ADD3: variants seen among roughly 807,000 people sequenced by gnomAD.
ADD3 encodes the protein gamma-adducin.
A neutral mutation model predicts 80.2 loss-of-function variants in ADD3; 25 were observed. That is an observed-to-expected ratio of 0.31 (90% CI 0.23 to 0.44). The LOEUF is 0.44. Ranked by LOEUF, ADD3 falls within the 20% of genes least tolerant of loss-of-function variation. ADD3 has a pLI of 1.00. For synonymous variants in ADD3, 284 were observed against 289.6 expected (o/e 0.98, Z 0.20); for missense variants, 829 against 847.5 (o/e 0.98, Z 0.27).
At chr10:110,083,339 AC>A (rs1340726223) in intron 1 of ADD3, among the ~76,000 whole-genome samples, 2 of 152,052 alleles carry the variant, frequency 1.3e-5, no homozygotes, top group East Asian at 3.9e-4. Context: ...ACACGGTGAA[AC>A]CCCGTCTCTA....
Position 110,123,843 on chromosome 10 carries a change from C to T in ADD3, c.1144-174C>T, listed in dbSNP as rs527885772. 12 of 632,374 alleles carry T rather than the reference C, an allele frequency of 1.9e-5. 1 individual carries two copies. The South Asian group carries it at 2.3e-4, about 12-fold the overall frequency. 39.2% of individuals were successfully genotyped at this position (632,374 alleles called of 1,614,324 possible). ...AGCTCTAACTAGGTCTTGAAATTTG[C>T]ATAATTTCAGCTCCAGTGTTACATG... On this transcript the variant is annotated intron_variant, in intron 9 of 14. Coordinates refer to ENST00000356080, the MANE Select transcript of ADD3 (RefSeq NM_016824.5).
chr10:110,055,014 G>C (rs1858001922), intron 1 of ADD3, among the ~76,000 whole-genome samples: 2 of 152,102 alleles, frequency 1.3e-5, no homozygotes, highest in South Asian at 4.1e-4. Flanking sequence ...GCCTTCCTCT[G>C]CCTCCCAAAG....
At chr10:110,036,614 C>T (rs137930101) in intron 1 of ADD3, among the ~76,000 whole-genome samples, 243 of 152,006 alleles carry the variant, frequency 1.6e-3, no homozygotes, top group African/African-American at 5.7e-3. Flanking sequence ...CCTCATGATC[C>T]GCCCGCCTTG....
intron 1 of ADD3, among the ~76,000 whole-genome samples, chr10:110,089,228 T>TA (rs1050094140): frequency 1.5e-4 from 22 of 146,966 alleles, no homozygotes; most frequent in African/African-American, 5.7e-4. Context: ...ATCAAAGACT[T>TA]ACGGTATCTC....
chr10:110,075,346 T>A (rs1193105062), intron 1 of ADD3, among the ~76,000 whole-genome samples: 2 of 152,190 alleles, frequency 1.3e-5, no homozygotes, highest in African/African-American at 4.8e-5. Flanking sequence ...TTTTTGTTTT[T>A]TTTTTAAAGC....
At chr10:110,079,869 T>C (rs2133755488) in intron 1 of ADD3, among the ~76,000 whole-genome samples, 1 of 152,278 alleles carries the variant, frequency 6.6e-6, no homozygotes, top group Admixed American at 6.5e-5. Context: ...GGCTTTATAG[T>C]ACTTTATTGT....
chr10:110,055,592 G>T (rs919117369), intron 1 of ADD3, among the ~76,000 whole-genome samples: 8 of 152,052 alleles, frequency 5.3e-5, no homozygotes, highest in Non-Finnish European at 8.8e-5. Context: ...AATGGATAAA[G>T]TATAAGTGAG....
intron 1 of ADD3, among the ~76,000 whole-genome samples, chr10:110,044,336 G>A (rs1856691510): frequency 6.6e-6 from 1 of 152,096 alleles, no homozygotes; most frequent in South Asian, 2.1e-4. Flanking sequence ...GTGTCTTCTG[G>A]CCTATTAGAC....
chr10:110,135,549 A>C lies in ADD3; in HGVS notation c.*1931A>C, dbSNP rs925769452. The C allele has an allele frequency of 6.6e-6, 1 of 152,624 alleles. No individual in the cohort carries two copies. Among genetic ancestry groups the C allele is most frequent in the Non-Finnish European group, 1.5e-5 (1 of 68,042 alleles). 9.5% of individuals were successfully genotyped at this position (152,624 alleles called of 1,614,324 possible). On this transcript the variant is annotated 3_prime_UTR_variant, in exon 15 of 15. Coordinates refer to ENST00000356080, the MANE Select transcript of ADD3 (RefSeq NM_016824.5). Reference sequence around the variant, plus strand: ...CTAATTAATGTTAAATCACAAATAAACAGTATTTTAAATATACGGACTTGT... The same window carrying C: ...CTAATTAATGTTAAATCACAAATAACCAGTATTTTAAATATACGGACTTGT...
intron 1 of ADD3, among the ~76,000 whole-genome samples, chr10:110,046,358 A>G (rs950732859): frequency 6.6e-6 from 1 of 152,006 alleles, no homozygotes; most frequent in Non-Finnish European, 1.5e-5. Flanking sequence ...TTATGCTATC[A>G]GTAAGGCTTC....
intron 1 of ADD3, among the ~76,000 whole-genome samples, chr10:110,097,316 A>T (rs1275139346): frequency 1.3e-5 from 2 of 152,142 alleles, no homozygotes; most frequent in Non-Finnish European, 2.9e-5. Context: ...TTCTTTGGTG[A>T]GGAAAGAACA....
At chr10:110,096,294 A>G (rs1848142416) in intron 1 of ADD3, among the ~76,000 whole-genome samples, 1 of 152,146 alleles carries the variant, frequency 6.6e-6, no homozygotes, top group African/African-American at 2.4e-5. Context: ...CTCATTATGC[A>G]ACATAACCCT....
intron 1 of ADD3, among the ~76,000 whole-genome samples, chr10:110,066,382 G>A (rs1456783972): frequency 6.6e-6 from 1 of 152,070 alleles, no homozygotes; most frequent in African/African-American, 2.4e-5. Flanking sequence ...GACTACAGGT[G>A]TGTGCCACCA....
intron 1 of ADD3, among the ~76,000 whole-genome samples, chr10:110,023,912 A>G (rs557482573): frequency 6.6e-6 from 1 of 152,352 alleles, no homozygotes; most frequent in South Asian, 2.1e-4. Flanking sequence ...AAATTAACAC[A>G]GGAACAGAAA....
intron 1 of ADD3, among the ~76,000 whole-genome samples, chr10:110,086,226 A>G (rs991439168): frequency 6.6e-6 from 1 of 152,092 alleles, no homozygotes; most frequent in Non-Finnish European, 1.5e-5. Context: ...CCTGGCCAAC[A>G]GGGTGAAACC....
At chr10:110,084,884 A>G (rs1846515747) in intron 1 of ADD3, among the ~76,000 whole-genome samples, 1 of 152,272 alleles carries the variant, frequency 6.6e-6, no homozygotes, top group Non-Finnish European at 1.5e-5. Flanking sequence ...TCCTCCATAA[A>G]TTAAATAGTT....
Position 110,095,242 on chromosome 10 carries a change from C to T in ADD3, c.-29-5383C>T, listed in dbSNP as rs189290413. ...AGTTTTATGGAGATAATTCACATAC[C>T]ATGCCATTTGGCCATATAAAGTATA... On this transcript the variant is annotated intron_variant, in intron 1 of 14. Transcript: ENST00000356080. 5.7e-4 allele frequency among the ~76,000 whole-genome samples: 87 copies of T among 152,298 alleles called. 1 individual carries two copies. Among genetic ancestry groups the T allele is most frequent in the Admixed American group, 5.7e-3 (87 of 15,308 alleles).
In ADD3 at chr10:110,090,573, G is replaced by A. The variant is rs551279829; in HGVS notation, c.-29-10052G>A. ...TCTGCACCTACATTATGAACAATGT[G>A]TGTGTTATGACTACATCTAACTGCT... On this transcript the variant is annotated intron_variant, in intron 1 of 14. Coordinates refer to ENST00000356080, the MANE Select transcript of ADD3 (RefSeq NM_016824.5). Among the ~76,000 whole-genome samples the A allele has an allele frequency of 2.0e-5, 3 of 152,264 alleles. No homozygotes were observed. In the East Asian group the frequency reaches 5.8e-4, roughly 29 times the overall value.
At chr10:110,057,067 T>C (rs1286087176) in intron 1 of ADD3, among the ~76,000 whole-genome samples, 1 of 152,188 alleles carries the variant, frequency 6.6e-6, no homozygotes, top group Non-Finnish European at 1.5e-5. Context: ...CAAGAATTCC[T>C]TAGGTTGCAA....
Sources: allele counts gnomAD v4.1 joint callset (sites outside exome capture counted in the v4.1 genomes callset), GRCh38; gene constraint gnomAD v4.1.1; transcripts MANE v1.5; gene names NCBI Gene and HGNC (gene_info 2026-07-23, HGNC 2026-07-21).